MEOX2: variants seen among roughly 807,000 people sequenced by gnomAD.
The protein encoded by MEOX2 is homeobox protein MOX-2.
MEOX2 carries 11 observed loss-of-function variants against 27.0 expected under a neutral mutation model. The ratio of observed to expected loss-of-function variants is 0.41; its 90% CI spans 0.26 to 0.68. The LOEUF (loss-of-function observed/expected upper bound fraction) is 0.68. Ranked by LOEUF, MEOX2 falls within the 30% of genes least tolerant of loss-of-function variation. MEOX2 has a pLI of 0.33. For synonymous variants in MEOX2, 189 were observed against 155.4 expected (o/e 1.22, Z -1.61); for missense variants, 436 against 385.4 (o/e 1.13, Z -1.10).
intron 1 of MEOX2, among the ~76,000 whole-genome samples, chr7:15,663,233 T>A (rs1481784192): frequency 1.3e-5 from 2 of 152,180 alleles, no homozygotes; most frequent in African/African-American, 4.8e-5. Context: ...AATTCATTAT[T>A]GAAAATTAAT....
chr7:15,672,761 A>G lies in MEOX2; in HGVS notation c.517+13125T>C, dbSNP rs1202785778. On this transcript the variant is annotated intron_variant, in intron 1 of 2. Transcript: ENST00000262041. ...CAAAAAATTAGCCGGGTATGGTGGC[A>G]CGTGCCTGTAGTCCCAGCTACTTGG... Among the ~76,000 whole-genome samples the G allele has an allele frequency of 5.9e-5, 9 of 152,088 alleles. No homozygotes were observed. The South Asian group carries it at 6.2e-4, about 11-fold the overall frequency.
At chr7:15,629,877 G>T (rs1163008915) in intron 1 of MEOX2, among the ~76,000 whole-genome samples, 1 of 151,938 alleles carries the variant, frequency 6.6e-6, no homozygotes, top group Admixed American at 6.6e-5. Flanking sequence ...TGGAAGATTT[G>T]CACCATGCAT....
At chr7:15,665,007 A>C (rs1301392224) in intron 1 of MEOX2, among the ~76,000 whole-genome samples, 1 of 151,658 alleles carries the variant, frequency 6.6e-6, no homozygotes, top group Non-Finnish European at 1.5e-5. Flanking sequence ...AATGAACACC[A>C]GTCAGTGATG....
chr7:15,635,880 A>G (rs1781472447), intron 1 of MEOX2, among the ~76,000 whole-genome samples: 1 of 151,998 alleles, frequency 6.6e-6, no homozygotes, highest in South Asian at 2.1e-4. Flanking sequence ...GTGACACTTT[A>G]CAAGGCTTAG....
intron 1 of MEOX2, among the ~76,000 whole-genome samples, chr7:15,671,224 A>G (rs1368999889): frequency 6.6e-6 from 1 of 152,200 alleles, no homozygotes; most frequent in African/African-American, 2.4e-5. Context: ...CCAATGTAAC[A>G]TCAGTGTTGA....
chr7:15,621,437 AT>A (rs1781221738), intron 2 of MEOX2, among the ~76,000 whole-genome samples: 1 of 152,186 alleles, frequency 6.6e-6, no homozygotes, highest in African/African-American at 2.4e-5. Context: ...TTCAAACAGA[AT>A]TATAGACTAC....
chr7:15,644,720 C>G (rs551019771), intron 1 of MEOX2, among the ~76,000 whole-genome samples: 2 of 152,272 alleles, frequency 1.3e-5, no homozygotes, highest in Admixed American at 1.3e-4. Context: ...TTGTCAATTA[C>G]TTATGCAATA....
chr7:15,662,359 G>A (rs542225602), intron 1 of MEOX2, among the ~76,000 whole-genome samples: 1 of 151,916 alleles, frequency 6.6e-6, no homozygotes, highest in African/African-American at 2.4e-5. Flanking sequence ...CAATTAAGTA[G>A]ATAGGGAAGG....
intron 2 of MEOX2, among the ~76,000 whole-genome samples, chr7:15,619,541 G>C (rs751975815): frequency 2.6e-5 from 4 of 151,772 alleles, no homozygotes; most frequent in Non-Finnish European, 4.4e-5. Flanking sequence ...AGAATCAGAG[G>C]AGCAAATTTC....
At chr7:15,660,716 C>T (rs929380604) in intron 1 of MEOX2, among the ~76,000 whole-genome samples, 2 of 152,092 alleles carry the variant, frequency 1.3e-5, no homozygotes, top group African/African-American at 4.8e-5. Context: ...TCCACGGTCA[C>T]CATTGCTTTA....
chr7:15,648,664 A>G (rs1348538812), intron 1 of MEOX2, among the ~76,000 whole-genome samples: 1 of 152,128 alleles, frequency 6.6e-6, no homozygotes, highest in Non-Finnish European at 1.5e-5. Context: ...CTGAGGTTCC[A>G]GAACTGAAGA....
intron 1 of MEOX2, among the ~76,000 whole-genome samples, chr7:15,646,446 G>A (rs1053817815): frequency 1.3e-5 from 2 of 151,912 alleles, no homozygotes; most frequent in East Asian, 3.9e-4. Flanking sequence ...TCTCAACTGA[G>A]GGAGATCCTC....
In MEOX2 at chr7:15,672,753, A is replaced by G. The variant is rs946643433; in HGVS notation, c.517+13133T>C. Among the ~76,000 whole-genome samples, 31 of 152,084 alleles carry G rather than the reference A, an allele frequency of 2.0e-4. No homozygotes were observed. The East Asian group carries it at 2.9e-3, about 14-fold the overall frequency. On this transcript the variant is annotated intron_variant, in intron 1 of 2. Coordinates refer to ENST00000262041, the MANE Select transcript of MEOX2 (RefSeq NM_005924.5). Reference sequence around the variant, plus strand: ...TAAAAATACAAAAAATTAGCCGGGTATGGTGGCACGTGCCTGTAGTCCCAG... The same window carrying G: ...TAAAAATACAAAAAATTAGCCGGGTGTGGTGGCACGTGCCTGTAGTCCCAG...
chr7:15,626,203 C>T (rs1345479590), intron 2 of MEOX2, among the ~76,000 whole-genome samples: 1 of 151,978 alleles, frequency 6.6e-6, no homozygotes, highest in Non-Finnish European at 1.5e-5. Flanking sequence ...CCATGGACAC[C>T]ACATGTTGAG....
chr7:15,672,663 T>C (rs991491994), intron 1 of MEOX2, among the ~76,000 whole-genome samples: 11 of 151,886 alleles, frequency 7.2e-5, no homozygotes, highest in South Asian at 4.2e-4. Context: ...GAGGCCAAGG[T>C]GGGCGGATCA....
chr7:15,651,645 G>A (rs937206911), intron 1 of MEOX2, among the ~76,000 whole-genome samples: 2 of 151,912 alleles, frequency 1.3e-5, no homozygotes, highest in African/African-American at 4.8e-5. Flanking sequence ...CAGCAAAGGC[G>A]GGGATTTAAT....
At chr7:15,634,104 C>A (rs549277564) in intron 1 of MEOX2, among the ~76,000 whole-genome samples, 2 of 151,910 alleles carry the variant, frequency 1.3e-5, no homozygotes, top group East Asian at 1.9e-4. Context: ...TAGAAAAGTA[C>A]CAAATCAGTC....
At chr7:15,634,170 C>T (rs1378027138) in intron 1 of MEOX2, among the ~76,000 whole-genome samples, 2 of 151,916 alleles carry the variant, frequency 1.3e-5, no homozygotes, top group Non-Finnish European at 2.9e-5. Context: ...AGTGAAGGAA[C>T]ATATTGCCCA....
At chr7:15,674,556 CTGTGTGTGTGTG>C (rs55995772) in intron 1 of MEOX2, among the ~76,000 whole-genome samples, 3 of 135,558 alleles carry the variant, frequency 2.2e-5, no homozygotes, top group Admixed American at 7.0e-5. Context: ...ATAAAAGATT[CTGTGTGTGTGTG>C]TGTGTGTGTG....
Sources: allele counts gnomAD v4.1 joint callset (sites outside exome capture counted in the v4.1 genomes callset), GRCh38; gene constraint gnomAD v4.1.1; transcripts MANE v1.5; gene names NCBI Gene and HGNC (gene_info 2026-07-23, HGNC 2026-07-21).